Variants in EGFR observed in about 807,000 individuals in gnomAD.
EGFR encodes the protein avian erythroblastic leukemia viral (v-erb-b) oncogene homolog.
A neutral mutation model predicts 143.0 loss-of-function variants in EGFR; 58 were observed. The ratio of observed to expected loss-of-function variants is 0.41; its 90% confidence interval spans 0.33 to 0.50. The LOEUF is 0.50. Ranked by LOEUF, EGFR falls within the 20% of genes least tolerant of loss-of-function variation. EGFR has a pLI of 0.39. For synonymous variants in EGFR, 613 were observed against 594.4 expected (o/e 1.03, Z -0.45); for missense variants, 1,307 against 1,579.0 (o/e 0.83, Z 2.92).
At chr7:55,174,150 C>T (rs1786486861) in intron 18 of EGFR, 107 bp downstream of exon 18, 1 of 1,467,894 alleles carries the variant, frequency 6.8e-7, no homozygotes, top group Non-Finnish European at 9.2e-7. Context: ...CTACTTTACT[C>T]TTTGTTTCAC....
At chr7:55,074,513 G>A (rs1018120252) in intron 1 of EGFR, among the ~76,000 whole-genome samples, 1 of 152,182 alleles carries the variant, frequency 6.6e-6, no homozygotes, top group Non-Finnish European at 1.5e-5. Flanking sequence ...AATGTGAAAG[G>A]CCACCGAAGT....
intron 1 of EGFR, among the ~76,000 whole-genome samples, chr7:55,094,924 A>T (rs551933885): frequency 1.3e-5 from 2 of 152,248 alleles, no homozygotes; most frequent in African/African-American, 4.8e-5. Context: ...GTTAGGCCCC[A>T]GTGCAGCAGC....
intron 4 of EGFR, among the ~76,000 whole-genome samples, chr7:55,150,334 C>T (rs1011523840): frequency 2.0e-5 from 3 of 152,196 alleles, no homozygotes; most frequent in Non-Finnish European, 2.9e-5. Flanking sequence ...CAACGTCCAT[C>T]CCCCGCGGTC....
At chr7:55,106,056 T>G (rs943467182) in intron 1 of EGFR, among the ~76,000 whole-genome samples, 2 of 152,224 alleles carry the variant, frequency 1.3e-5, no homozygotes, top group African/African-American at 4.8e-5. Flanking sequence ...TATCAGGTAG[T>G]GCAGAGTCCC....
intron 24 of EGFR, 40 bp from the exon 25 acceptor site, chr7:55,201,148 T>C (rs2128971373): frequency 6.2e-7 from 1 of 1,613,972 alleles, no homozygotes; most frequent in Non-Finnish European, 8.5e-7. Flanking sequence ...GAATAGCATC[T>C]CTACGGGCCA....
At chr7:55,155,081 G>T (rs1785344870) in intron 7 of EGFR, among the ~76,000 whole-genome samples, 1 of 152,206 alleles carries the variant, frequency 6.6e-6, no homozygotes, top group Non-Finnish European at 1.5e-5. Context: ...AGAGCAGATG[G>T]TTCACAGAAG....
At chr7:55,065,830 C>CTTT (rs35171442) in intron 1 of EGFR, among the ~76,000 whole-genome samples, 58 of 120,450 alleles carry the variant, frequency 4.8e-4, no homozygotes, top group African/African-American at 9.8e-4. Context: ...GACTAAGTGG[C>CTTT]TTTTTTTTTT....
intron 1 of EGFR, among the ~76,000 whole-genome samples, chr7:55,054,283 C>A (rs1351100431): frequency 2.0e-5 from 3 of 152,362 alleles, no homozygotes; most frequent in Non-Finnish European, 4.4e-5. Context: ...CCTTGAGTGA[C>A]CTTGAGCAAG....
intron 4 of EGFR, among the ~76,000 whole-genome samples, chr7:55,150,181 G>T (rs1323263336): frequency 2.6e-5 from 4 of 152,172 alleles, no homozygotes; most frequent in Non-Finnish European, 4.4e-5. Flanking sequence ...GCTTATAATA[G>T]AAATTTGAAA....
At chr7:55,194,453 C>T (rs966777607) in intron 22 of EGFR, among the ~76,000 whole-genome samples, 1 of 152,130 alleles carries the variant, frequency 6.6e-6, no homozygotes, top group Non-Finnish European at 1.5e-5. Flanking sequence ...GTCTCGAACT[C>T]CTGACCTCAT....
chr7:55,118,430 C>T (rs1415473725), intron 1 of EGFR, among the ~76,000 whole-genome samples: 1 of 152,158 alleles, frequency 6.6e-6, no homozygotes, highest in African/African-American at 2.4e-5. Flanking sequence ...TCAGTAGGTA[C>T]CTGAAGGCAC....
chr7:55,084,404 A>G (rs1461849700), intron 1 of EGFR, among the ~76,000 whole-genome samples: 1 of 152,204 alleles, frequency 6.6e-6, no homozygotes, highest in Non-Finnish European at 1.5e-5. Context: ...GGCTCAGTCC[A>G]TTCTTCATGG....
intron 19 of EGFR, among the ~76,000 whole-genome samples, chr7:55,176,935 A>C (rs562501228): frequency 1.4e-4 from 20 of 147,698 alleles, no homozygotes; most frequent in South Asian, 1.1e-3. Flanking sequence ...ATATATATAT[A>C]TCTCTCTCTA....
chr7:55,105,612 C>T lies in EGFR; in HGVS notation c.89-36674C>T, dbSNP rs1009625671. ...CCTTGTGAACTAGCCATGGGCACAA[C>T]TGGAGAAGCATTTAGGGAGCTTTAG... On this transcript the variant is annotated intron_variant, in intron 1 of 27. Coordinates refer to ENST00000275493, the MANE Select transcript of EGFR (RefSeq NM_005228.5). 2.0e-5 allele frequency among the ~76,000 whole-genome samples: 3 copies of T among 152,306 alleles called. No homozygotes were observed. The East Asian group carries it at 5.8e-4, about 29-fold the overall frequency.
chr7:55,162,668 C>T (rs1032593350), intron 13 of EGFR, among the ~76,000 whole-genome samples: 13 of 152,224 alleles, frequency 8.5e-5, no homozygotes, highest in African/African-American at 2.9e-4. Context: ...GCACCTGCTC[C>T]CTCTGCAAGC....
chr7:55,071,539 C>T (rs1789829821), intron 1 of EGFR, among the ~76,000 whole-genome samples: 1 of 152,242 alleles, frequency 6.6e-6, no homozygotes, highest in Non-Finnish European at 1.5e-5. Flanking sequence ...CCTGCCCTGC[C>T]TTCACTGGCA....
intron 1 of EGFR, among the ~76,000 whole-genome samples, chr7:55,025,280 C>G (rs1235284376): frequency 2.0e-5 from 3 of 152,226 alleles, no homozygotes; most frequent in Admixed American, 6.5e-5. Flanking sequence ...TTGCCAGAGA[C>G]AGAGGATGAA....
chr7:55,170,895 A>G (rs1786316578), intron 15 of EGFR: 1 of 1,414,640 alleles, frequency 7.1e-7, no homozygotes, highest in Non-Finnish European at 9.2e-7. Context: ...GTCAAAAGCC[A>G]GATGTGAAAA....
chr7:55,187,764 C>A (rs1367710055), intron 20 of EGFR, among the ~76,000 whole-genome samples: 1 of 151,286 alleles, frequency 6.6e-6, no homozygotes, highest in Non-Finnish European at 1.5e-5. Context: ...AGTTTCAGAG[C>A]CCCCCTGAAC....
Sources: allele counts gnomAD v4.1 joint callset (sites outside exome capture counted in the v4.1 genomes callset), GRCh38; gene constraint gnomAD v4.1.1; transcripts MANE v1.5; gene names NCBI Gene and HGNC (gene_info 2026-07-23, HGNC 2026-07-21).